Variants in DIP2B observed in about 807,000 individuals in gnomAD.
DIP2B encodes the protein DIP2 acetate--CoA ligase B (putative).
A neutral mutation model predicts 198.0 loss-of-function variants in DIP2B; 76 were observed. That is an observed-to-expected ratio of 0.38 (90% CI 0.32 to 0.46). DIP2B has a LOEUF of 0.46. Among genes scored for constraint, DIP2B ranks in the 20% least tolerant of loss-of-function variants. The pLI is 0.99. For missense variants in DIP2B, 1,559 were observed against 1,978.4 expected (o/e 0.79, Z 4.02); for synonymous variants, 701 against 739.1 (o/e 0.95, Z 0.84).
At position 50,685,821 on chromosome 12, in the gene DIP2B, A is replaced by G. The variant is rs758003071; in HGVS notation, c.1318-12A>G. On this transcript the variant is annotated splice_polypyrimidine_tract_variant and intron_variant, in intron 10 of 37. Coordinates refer to ENST00000301180, the MANE Select transcript of DIP2B (RefSeq NM_173602.3). ...CGCTCCCCTACCTATGTTCATTATC[A>G]TTTCTCCACAGGATGCTGGAGGTCA... The G allele has an allele frequency of 4.3e-6, 7 of 1,612,086 alleles. No homozygotes were observed. The highest frequency in any genetic ancestry group is 4.0e-5 in the African/African-American group (3 of 74,832).
Position 50,732,442 on chromosome 12 carries a change from A to G in DIP2B, c.3887A>G (p.Gln1296Arg). ...GAGAGGCCCCGCGTTGCACTCCAGC[A>G]GTCCTTCTCTAAGCTCTTCAAAGAC... ...AEERPRVALQ[Q>R]SFSKLFKDIG... is the part of the protein sequence containing the mutation. Residue 1296 changes from glutamine to arginine, a missense_variant, in exon 32 of 38, where the codon CAG becomes CGG. Transcript: ENST00000301180. The G allele has an allele frequency of 6.2e-7, 1 of 1,614,270 alleles. No homozygotes were observed. The highest frequency in any genetic ancestry group is 8.5e-7 in the Non-Finnish European group (1 of 1,180,050).
chr12:50,571,101 G>A (rs1298600488), intron 1 of DIP2B, among the ~76,000 whole-genome samples: 2 of 151,926 alleles, frequency 1.3e-5, no homozygotes, highest in African/African-American at 4.8e-5. Context: ...TCGCAATGTA[G>A]TGGAGGGGTT....
chr12:50,541,050 A>G (rs1385119523), intron 1 of DIP2B, among the ~76,000 whole-genome samples: 1 of 152,166 alleles, frequency 6.6e-6, no homozygotes, highest in Non-Finnish European at 1.5e-5. Flanking sequence ...AAAAAAATCA[A>G]CTTACATTAA....
intron 2 of DIP2B, among the ~76,000 whole-genome samples, chr12:50,627,277 G>A (rs1937953422): frequency 6.6e-6 from 1 of 152,128 alleles, no homozygotes; most frequent in Admixed American, 6.5e-5. Context: ...TTTGTTATCC[G>A]TAGTCAGGCT....
chr12:50,626,652 C>T (rs1937940792), intron 2 of DIP2B, among the ~76,000 whole-genome samples: 1 of 152,092 alleles, frequency 6.6e-6, no homozygotes, highest in Admixed American at 6.5e-5. Context: ...GCAGGATTTC[C>T]TTTGACAGCC....
chr12:50,621,430 T>G (rs1290548933), intron 1 of DIP2B, among the ~76,000 whole-genome samples: 2 of 76,754 alleles, frequency 2.6e-5, no homozygotes, highest in Non-Finnish European at 5.5e-5. Flanking sequence ...AAGAACTCTT[T>G]TTCTCCCATT....
intron 13 of DIP2B, 136 bp downstream of exon 13, chr12:50,691,287 T>TTTG: frequency 1.2e-6 from 1 of 826,334 alleles, no homozygotes; most frequent in Admixed American, 3.3e-5. Context: ...TTGGCTTGCT[T>TTTG]TTGTTTTCTT....
rs35509357 is a variant in DIP2B, at chr12:50,648,697, T to TC, written c.301+7855dup. The stretch of plus-strand genomic sequence containing the variant: ...TTTTTTTTTTGAGTTGGGTTGTTCT[T>TC]CCCCCCCCCCTCCTTACTTGCAAGG... On this transcript the variant is annotated intron_variant, in intron 3 of 37. Coordinates refer to ENST00000301180, the MANE Select transcript of DIP2B (RefSeq NM_173602.3). Among the ~76,000 whole-genome samples the TC allele has an allele frequency of 4.5e-3, 575 of 127,656 alleles. 12 individuals are homozygous for TC. Among genetic ancestry groups the TC allele is most frequent in the Admixed American group, 0.026 (331 of 12,892 alleles). The allele number at this position is 127,656 out of a possible 152,430, so 83.7% of individuals were successfully genotyped here. A position where few individuals can be genotyped will look rare whatever the true frequency, so the allele number is the denominator to read the frequency against.
intron 1 of DIP2B, among the ~76,000 whole-genome samples, chr12:50,589,040 C>T (rs1210239267): frequency 2.0e-5 from 3 of 151,470 alleles, no homozygotes; most frequent in Admixed American, 1.3e-4. Flanking sequence ...AAAAATTAGC[C>T]GGGTGTGGTG....
intron 1 of DIP2B, among the ~76,000 whole-genome samples, chr12:50,593,732 T>C (rs144433766): frequency 0.14 from 708 of 4,902 alleles, 27 homozygotes; most frequent in East Asian, 0.42. Context: ...TCTCCTCTCC[T>C]CTCCTCTCCT....
intron 4 of DIP2B, among the ~76,000 whole-genome samples, chr12:50,669,517 G>A (rs1467825496): frequency 1.3e-5 from 2 of 152,142 alleles, no homozygotes; most frequent in Non-Finnish European, 2.9e-5. Context: ...CCGCCTCCCG[G>A]TCTTAAGTGA....
chr12:50,717,640 T>C (rs1462926235), intron 23 of DIP2B, among the ~76,000 whole-genome samples: 1 of 151,974 alleles, frequency 6.6e-6, no homozygotes, highest in African/African-American at 2.4e-5. Context: ...GTACTGGGAT[T>C]ATAGGCGTGA....
chr12:50,571,660 C>A (rs1280432368), intron 1 of DIP2B, among the ~76,000 whole-genome samples: 3 of 140,488 alleles, frequency 2.1e-5, no homozygotes, highest in Non-Finnish European at 3.0e-5. Flanking sequence ...TCAAGTGATT[C>A]TTCTGTCTCA....
At position 50,690,978 on chromosome 12, in the gene DIP2B, T is replaced by C. The variant is rs190223161; in HGVS notation, c.1552-71T>C. 2,249 of 1,355,838 alleles carry C rather than the reference T, an allele frequency of 1.7e-3. 2 individuals are homozygous for C. Among genetic ancestry groups the C allele is most frequent in the Non-Finnish European group, 2.1e-3 (2,059 of 966,508 alleles). The allele number at this position is 1,355,838 out of a possible 1,614,324, so 84.0% of individuals were successfully genotyped here. A position where few individuals can be genotyped will look rare whatever the true frequency, so the allele number is the denominator to read the frequency against. ...TGATGGTTTTTCTGGGTTTTGTTTTTGGATTCTAGTTTTGTCATCTGAAAT... is the reference window on the plus strand; with the variant it reads ...TGATGGTTTTTCTGGGTTTTGTTTTCGGATTCTAGTTTTGTCATCTGAAAT... On this transcript the variant is annotated intron_variant, in intron 12 of 37. Coordinates refer to ENST00000301180, the MANE Select transcript of DIP2B (RefSeq NM_173602.3).
chr12:50,510,916 A>G (rs1458634244), intron 1 of DIP2B, among the ~76,000 whole-genome samples: 1 of 147,620 alleles, frequency 6.8e-6, no homozygotes, highest in Non-Finnish European at 1.5e-5. Flanking sequence ...AAGTGCTGGG[A>G]TTACAGGCAT....
In DIP2B at chr12:50,745,871, A is replaced by G. The variant is rs1940334268; in HGVS notation, c.*1032A>G. The stretch of plus-strand genomic sequence containing the variant: ...CAGGCACATTGTAAACTGTGTCTAC[A>G]GTTTATCCATATAACTTCTCTTCTG... On this transcript the variant is annotated 3_prime_UTR_variant, in exon 38 of 38. Transcript: ENST00000301180. 1 of 152,224 alleles carries G rather than the reference A, an allele frequency of 6.6e-6. No homozygotes were observed. The highest frequency in any genetic ancestry group is 2.1e-4 in the South Asian group (1 of 4,834). 9.4% of individuals were successfully genotyped at this position (152,224 alleles called of 1,614,324 possible).
At chr12:50,629,001 C>T (rs1937990302) in intron 2 of DIP2B, among the ~76,000 whole-genome samples, 1 of 152,184 alleles carries the variant, frequency 6.6e-6, no homozygotes, top group East Asian at 1.9e-4. Flanking sequence ...GCCTCACCCT[C>T]CCAAGTAGCT....
rs1349509310 is a variant in DIP2B, at chr12:50,674,573, T to G, written c.740T>G (p.Ile247Arg). Residue 247 changes from isoleucine (I) to arginine (R), a missense_variant, in exon 6 of 38, where the codon ATA becomes AGA. Physicochemically the swap from Ile to Arg is moderately conservative, Grantham distance 97. Transcript: ENST00000301180. Reference protein sequence around the residue: ...PANIDLPPSGIVKGMHKGSNR... With the variant: ...PANIDLPPSGRVKGMHKGSNR... ...AACATTGACCTGCCCCCCTCGGGGA[T>G]AGTTAAAGGCATGCACAAAGGATCC... 4 of 1,614,114 alleles carry G rather than the reference T, an allele frequency of 2.5e-6. No homozygotes were observed. Among genetic ancestry groups the G allele is most frequent in the Admixed American group, 3.3e-5 (2 of 60,008 alleles).
chr12:50,609,639 T>C (rs939583595), intron 1 of DIP2B, among the ~76,000 whole-genome samples: 1 of 152,238 alleles, frequency 6.6e-6, no homozygotes, highest in African/African-American at 2.4e-5. Context: ...TCTGTTGATA[T>C]CACATTGGCC....
Sources: allele counts gnomAD v4.1 joint callset (sites outside exome capture counted in the v4.1 genomes callset), GRCh38; gene constraint gnomAD v4.1.1; transcripts MANE v1.5; gene names NCBI Gene and HGNC (gene_info 2026-07-23, HGNC 2026-07-21).